BRD3: variants seen among roughly 807,000 people sequenced by gnomAD.
BRD3 encodes bromodomain containing 3, also known as bromodomain-containing protein 3.
In BRD3, 17 loss-of-function variants were observed where a neutral mutation model predicts 66.8. The observed-to-expected ratio is 0.25, with a 90% CI of 0.17 to 0.38. BRD3 has a LOEUF of 0.38. Among genes scored for constraint, BRD3 ranks in the 10% least tolerant of loss-of-function variants. The probability of loss-of-function intolerance (pLI) is 1.00; values close to 1 mark genes in which losing one functional copy is unlikely to be tolerated. For synonymous variants in BRD3, 421 were observed against 393.2 expected (o/e 1.07, Z -0.84); for missense variants, 713 against 956.1 (o/e 0.75, Z 3.35).
rs926164012 is a variant in BRD3 at position 134,045,870 on chromosome 9, T to C, written c.1087-449A>G. 3.8e-4 allele frequency among the ~76,000 whole-genome samples: 58 copies of C among 152,000 alleles called. 2 individuals are homozygous for C. The highest frequency in any genetic ancestry group is 1.5e-4 in the Non-Finnish European group (10 of 67,960). On this transcript the variant is annotated intron_variant, in intron 6 of 11. Coordinates refer to ENST00000303407, the MANE Select transcript of BRD3 (RefSeq NM_007371.4). This position sits in a 1 kb window ranked among gnomAD's most constrained non-coding sequence, Gnocchi z 4.8. ...GGCCTGCTCAGTCTACACAAGGAAA[T>C]GTAATTTTTTCCCTCGAGGAAGCCA...
At chr9:134,057,856 G>C (rs1299801060) in intron 1 of BRD3, 1 of 152,650 alleles carries the variant, frequency 6.6e-6, no homozygotes, top group Non-Finnish European at 1.5e-5. Context: ...CCAGCCACAA[G>C]GCCCCTCCAG....
chr9:134,063,808 G>A (rs914114003), intron 1 of BRD3, among the ~76,000 whole-genome samples: 5 of 152,198 alleles, frequency 3.3e-5, no homozygotes, highest in Non-Finnish European at 7.3e-5. Flanking sequence ...GCAAAATGCT[G>A]CAGCTGGTTA....
At chr9:134,053,122 G>A (rs1830338609) in intron 2 of BRD3, 143 bp downstream of exon 2, 1 of 920,526 alleles carries the variant, frequency 1.1e-6, no homozygotes, top group African/African-American at 1.6e-5. Flanking sequence ...TCTGTGCTGT[G>A]GACTTCCTGA....
chr9:134,045,155 G>A lies in BRD3; in HGVS notation c.1215+138C>T. ...CTGACAGGGACCTGGTTGGCACTCGGGAAAAAGGTGTTGAGGGAATGAGGC... is the reference window on the plus strand; with the variant it reads ...CTGACAGGGACCTGGTTGGCACTCGAGAAAAAGGTGTTGAGGGAATGAGGC... On this transcript the variant is annotated intron_variant, in intron 7 of 11. Transcript: ENST00000303407. This position sits in a 1 kb window ranked among gnomAD's most constrained non-coding sequence, Gnocchi z 4.8. 5 of 1,272,812 alleles carry A rather than the reference G, an allele frequency of 3.9e-6. No individual in the cohort carries two copies. The highest frequency in any genetic ancestry group is 5.3e-6 in the Non-Finnish European group (5 of 942,804). The allele number at this position is 1,272,812 out of a possible 1,614,324, so 78.8% of individuals were successfully genotyped here. A position where few individuals can be genotyped will look rare whatever the true frequency, so the allele number is the denominator to read the frequency against.
intron 11 of BRD3, among the ~76,000 whole-genome samples, chr9:134,034,022 G>A (rs1361368163): frequency 2.0e-5 from 3 of 152,158 alleles, no homozygotes; most frequent in Admixed American, 2.0e-4. Flanking sequence ...TTTCTGGAGC[G>A]CTTACTCTGC....
chr9:134,050,976 T>C (rs1830280866), intron 4 of BRD3, among the ~76,000 whole-genome samples: 1 of 152,152 alleles, frequency 6.6e-6, no homozygotes, highest in Non-Finnish European at 1.5e-5. Context: ...GCTTCTCCCA[T>C]CTGCAACACG....
chr9:134,063,992 C>T (rs938159502), intron 1 of BRD3, among the ~76,000 whole-genome samples: 6 of 152,210 alleles, frequency 3.9e-5, no homozygotes, highest in Non-Finnish European at 8.8e-5. Flanking sequence ...ATGTTCCACG[C>T]CCCATCTTCC....
intron 1 of BRD3, among the ~76,000 whole-genome samples, chr9:134,067,125 AC>A (rs1830677225): frequency 6.6e-6 from 1 of 151,776 alleles, no homozygotes; most frequent in African/African-American, 2.4e-5. Flanking sequence ...TCACGTTGTC[AC>A]TCCGGCGCCC....
rs747520538 is a variant in BRD3 at position 134,036,019 on chromosome 9, G to A, written c.1936+13C>T. ...AGGAACTTCAAGCACCACGCTCCAC[G>A]CAGGCAACTTACAGAACGGTTTCCT... On this transcript the variant is annotated intron_variant, in intron 10 of 11. Coordinates refer to ENST00000303407, the MANE Select transcript of BRD3 (RefSeq NM_007371.4). The A allele has an allele frequency of 2.1e-5, 33 of 1,580,388 alleles. No homozygotes were observed. Among genetic ancestry groups the A allele is most frequent in the African/African-American group, 1.1e-4 (8 of 74,148 alleles).
chr9:134,037,439 C>T (rs1252365573), intron 9 of BRD3, among the ~76,000 whole-genome samples: 2 of 152,198 alleles, frequency 1.3e-5, no homozygotes, highest in African/African-American at 4.8e-5. Context: ...GGCACGGTGG[C>T]GGGCACCTGT....
At chr9:134,062,042 C>A (rs923328964) in intron 1 of BRD3, among the ~76,000 whole-genome samples, 3 of 152,230 alleles carry the variant, frequency 2.0e-5, no homozygotes, top group Admixed American at 6.5e-5. Context: ...GCAGGGCTGC[C>A]TTCAGTGACA....
At chr9:134,035,896 G>A (rs548100553) in intron 10 of BRD3, 136 bp downstream of exon 10, 174 of 1,242,562 alleles carry the variant, frequency 1.4e-4, no homozygotes, top group Non-Finnish European at 9.1e-5. Context: ...GGCATCTGTG[G>A]TGGGACGAAG....
rs1255922952 is a variant in BRD3, at chr9:134,031,398, T to C, written c.*2192A>G. 4.8e-6 allele frequency: 1 copy of C among 208,350 alleles called. No individual in the cohort carries two copies. The highest frequency in any genetic ancestry group is 2.3e-5 in the African/African-American group (1 of 43,834). 12.9% of individuals were successfully genotyped at this position (208,350 alleles called of 1,614,324 possible). A position where few individuals can be genotyped will look rare whatever the true frequency, so the allele number is the denominator to read the frequency against. ...ACCCAGCCCTGTGCTGGCAGCACGT[T>C]ACCAACCAGCCTGCGTGAAGACCTG... On this transcript the variant is annotated 3_prime_UTR_variant, in exon 12 of 12. Coordinates refer to ENST00000303407, the MANE Select transcript of BRD3 (RefSeq NM_007371.4).
At chr9:134,060,814 C>T (rs921658209) in intron 1 of BRD3, among the ~76,000 whole-genome samples, 1 of 152,220 alleles carries the variant, frequency 6.6e-6, no homozygotes, top group African/African-American at 2.4e-5. Context: ...TGTGTGGCCC[C>T]AGGCAGGCCC....
chr9:134,050,977 C>A (rs898718380), intron 4 of BRD3, among the ~76,000 whole-genome samples: 2 of 152,240 alleles, frequency 1.3e-5, no homozygotes, highest in African/African-American at 4.8e-5. Flanking sequence ...CTTCTCCCAT[C>A]TGCAACACGC....
At chr9:134,040,818 TAAAACA>T (rs1830027650) in intron 8 of BRD3, among the ~76,000 whole-genome samples, 3 of 152,198 alleles carry the variant, frequency 2.0e-5, no homozygotes, top group Admixed American at 1.3e-4. Flanking sequence ...ACTCCGGGGT[TAAAACA>T]ATCCACTGCC....
chr9:134,053,543 T>G lies in BRD3; in HGVS notation c.-66A>C. On this transcript the variant is annotated 5_prime_UTR_variant, in exon 2 of 12. Transcript: ENST00000303407. ...GGAGAGGCCCTGGCTGCTTCTACGC[T>G]CCCTGAGAAAGCGCGACGTCCCATT... The G allele has an allele frequency of 6.8e-7, 1 of 1,467,170 alleles. No homozygotes were observed. Among genetic ancestry groups the G allele is most frequent in the South Asian group, 1.4e-5 (1 of 72,948 alleles). 90.9% of individuals were successfully genotyped at this position (1,467,170 alleles called of 1,614,324 possible).
chr9:134,054,946 C>A (rs186831044), intron 1 of BRD3, among the ~76,000 whole-genome samples: 1 of 152,176 alleles, frequency 6.6e-6, no homozygotes, highest in African/African-American at 2.4e-5. Flanking sequence ...CATGCCAGCA[C>A]GAGAGAACGT....
intron 9 of BRD3, among the ~76,000 whole-genome samples, chr9:134,037,329 T>C (rs888269253): frequency 2.6e-5 from 4 of 152,234 alleles, no homozygotes; most frequent in Non-Finnish European, 2.9e-5. Context: ...CCCAGCACTT[T>C]GGGAGGCCAA....
Sources: gnomAD v4.1 joint callset for allele counts (sites outside exome capture counted in the v4.1 genomes callset) on GRCh38, gnomAD v4.1.1 for gene constraint, Gnocchi (gnomAD v3.1) non-coding constraint, MANE v1.5 for transcripts, NCBI Gene and HGNC (gene_info 2026-07-23, HGNC 2026-07-21) for gene names.